Variants in CDH19 observed in about 807,000 individuals in gnomAD.
The protein encoded by CDH19 is cadherin-19.
CDH19 carries 67 observed loss-of-function variants against 64.2 expected under a neutral mutation model. The ratio of observed to expected loss-of-function variants is 1.04; its 90% CI spans 0.86 to 1.28. CDH19 has a LOEUF of 1.28. Among genes scored for constraint, CDH19 ranks in the 50% most tolerant of loss-of-function variants. The probability of loss-of-function intolerance (pLI) is 0.00; values close to 1 mark genes in which losing one functional copy is unlikely to be tolerated. For missense variants in CDH19, 1,030 were observed against 929.0 expected (o/e 1.11, Z -1.41); for synonymous variants, 346 against 319.3 (o/e 1.08, Z -0.89).
intron 7 of CDH19, among the ~76,000 whole-genome samples, chr18:66,542,206 C>T (rs1986914084): frequency 6.6e-6 from 1 of 152,084 alleles, no homozygotes; most frequent in Non-Finnish European, 1.5e-5. Context: ...ACTAAAATGT[C>T]TATGACTAAT....
chr18:66,595,846 T>C (rs947509764), intron 1 of CDH19, among the ~76,000 whole-genome samples: 5 of 152,108 alleles, frequency 3.3e-5, no homozygotes, highest in Non-Finnish European at 7.4e-5. Context: ...TACCAAAATC[T>C]GTCAGAGACT....
At chr18:66,574,992 G>C (rs1599028556) in intron 1 of CDH19, among the ~76,000 whole-genome samples, 1 of 151,890 alleles carries the variant, frequency 6.6e-6, no homozygotes, top group Non-Finnish European at 1.5e-5. Flanking sequence ...GAGCTGTCAG[G>C]TATTGGAACA....
Position 66,505,049 on chromosome 18 carries a change from T to C in CDH19, c.2082A>G (p.Ile694Met). The C allele has an allele frequency of 6.2e-7, 1 of 1,613,704 alleles. No individual in the cohort carries two copies. The highest frequency in any genetic ancestry group is 1.1e-5 in the South Asian group (1 of 91,078). The change falls in exon 12 of 12, where the codon ATA (isoleucine) becomes ATG (methionine). Residue 694 changes from isoleucine (I) to methionine (M), a missense_variant. Ile to Met is a conservative substitution (Grantham distance 10, BLOSUM62 1). Transcript: ENST00000262150. ...GCTTTTCCAGAATGAATTTCCTGAATATGGCACTGTCGGGGCCAACTTGCA... is the reference window on the plus strand; with the variant it reads ...GCTTTTCCAGAATGAATTTCCTGAACATGGCACTGTCGGGGCCAACTTGCA... ...QSLQVGPDSA[I>M]FRKFILEKLE...
chr18:66,541,379 A>G (rs1986880225), intron 7 of CDH19, among the ~76,000 whole-genome samples: 1 of 152,154 alleles, frequency 6.6e-6, no homozygotes, highest in Admixed American at 6.6e-5. Flanking sequence ...CTTACCATGC[A>G]GTGAGTATTA....
In CDH19 at chr18:66,535,126, A is replaced by G. The variant is rs751197484; in HGVS notation, c.1215-19T>C. The G allele has an allele frequency of 2.9e-6, 4 of 1,391,954 alleles. No individual in the cohort carries two copies. In the South Asian group the frequency reaches 4.8e-5, roughly 17 times the overall value. The allele number at this position is 1,391,954 out of a possible 1,614,324, so 86.2% of individuals were successfully genotyped here. On this transcript the variant is annotated intron_variant, in intron 7 of 11. Transcript: ENST00000262150. The stretch of plus-strand genomic sequence containing the variant: ...AGAATACCTGAACCAAAAGGAAAGT[A>G]TACCTTAATATTTTTATTCTATCTG...
chr18:66,576,569 AC>A (rs1988272235), intron 1 of CDH19, among the ~76,000 whole-genome samples: 1 of 151,636 alleles, frequency 6.6e-6, no homozygotes, highest in Non-Finnish European at 1.5e-5. Context: ...CAATTCATTA[AC>A]AGGGCACAAC....
At chr18:66,561,743 G>GA (rs951696859) in intron 3 of CDH19, among the ~76,000 whole-genome samples, 5 of 151,086 alleles carry the variant, frequency 3.3e-5, no homozygotes, top group South Asian at 2.1e-4. Flanking sequence ...AGTGTGCTTA[G>GA]AAAAAAAAAT....
intron 5 of CDH19, among the ~76,000 whole-genome samples, chr18:66,548,104 TATATTATATAAA>T (rs1467485727): frequency 6.8e-6 from 1 of 147,000 alleles, no homozygotes; most frequent in Non-Finnish European, 1.5e-5. Context: ...ATATTTGTTA[TATATTATATAAA>T]ATATTATATA....
At chr18:66,556,608 G>A (rs974044772) in intron 3 of CDH19, among the ~76,000 whole-genome samples, 1 of 151,758 alleles carries the variant, frequency 6.6e-6, no homozygotes, top group Non-Finnish European at 1.5e-5. Flanking sequence ...TTTCTTCTTT[G>A]ATGAGACTTA....
chr18:66,557,716 A>AT (rs1202906420), intron 3 of CDH19, among the ~76,000 whole-genome samples: 3 of 151,856 alleles, frequency 2.0e-5, no homozygotes, highest in South Asian at 2.1e-4. Context: ...CACTCCTTAC[A>AT]TTTTTTGTGT....
At chr18:66,538,793 T>C (rs186104244) in intron 7 of CDH19, among the ~76,000 whole-genome samples, 1 of 152,190 alleles carries the variant, frequency 6.6e-6, no homozygotes, top group East Asian at 1.9e-4. Context: ...TTTCCGGCAG[T>C]CCTTGCTAGT....
chr18:66,537,377 A>AT (rs1986714282), intron 7 of CDH19, among the ~76,000 whole-genome samples: 1 of 151,878 alleles, frequency 6.6e-6, no homozygotes, highest in African/African-American at 2.4e-5. Context: ...AAGGTTACAT[A>AT]TTTTTGGCAG....
intron 10 of CDH19, among the ~76,000 whole-genome samples, chr18:66,509,811 A>G (rs1001206682): frequency 9.9e-5 from 15 of 151,984 alleles, no homozygotes; most frequent in African/African-American, 2.9e-4. Flanking sequence ...CTCAAATACT[A>G]TATTTTCTAA....
chr18:66,530,270 T>C (rs1464544801), intron 8 of CDH19, among the ~76,000 whole-genome samples: 1 of 152,058 alleles, frequency 6.6e-6, no homozygotes, highest in Non-Finnish European at 1.5e-5. Context: ...ACGGAGAGCT[T>C]GCAAGAGTCC....
intron 9 of CDH19, among the ~76,000 whole-genome samples, chr18:66,520,341 GTTTT>G (rs368834150): frequency 1.5e-5 from 2 of 132,968 alleles, no homozygotes; most frequent in South Asian, 2.3e-4. Flanking sequence ...GAAAATAGCT[GTTTT>G]TTTTTTTTTT....
intron 7 of CDH19, among the ~76,000 whole-genome samples, chr18:66,535,420 T>G (rs944826314): frequency 2.0e-5 from 3 of 151,442 alleles, no homozygotes; most frequent in African/African-American, 7.2e-5. Context: ...ATCTCTTTCC[T>G]ATGTCACAGG....
rs770336548 is a variant in CDH19, at chr18:66,544,194, CG to C, written c.990del (p.Tyr330Ter). The C allele has an allele frequency of 2.5e-6, 4 of 1,613,362 alleles. No individual in the cohort carries two copies. In the African/African-American group the frequency reaches 4.0e-5, roughly 16 times the overall value. On this transcript the variant is annotated frameshift_variant, in exon 7 of 12. Transcript: ENST00000262150. LOFTEE classifies it high-confidence loss of function. ...KKVDFEHQNH[Y>X]GIRAKVKNHH... Reference sequence around the variant, plus strand: ...TGGTTTTTAACTTTTGCTCTAATACCGTAGTGGTTCTGGTGCTCAAAATCCA... The same window carrying C: ...TGGTTTTTAACTTTTGCTCTAATACCTAGTGGTTCTGGTGCTCAAAATCCA...
At chr18:66,553,276 C>T (rs1192072897) in intron 4 of CDH19, among the ~76,000 whole-genome samples, 1 of 134,006 alleles carries the variant, frequency 7.5e-6, no homozygotes, top group East Asian at 1.9e-4. Flanking sequence ...AGTTGTATAA[C>T]ATTTGGTACA....
At chr18:66,505,399 A>C in intron 11 of CDH19, 97 bp from the exon 12 acceptor site, 1 of 925,842 alleles carries the variant, frequency 1.1e-6, no homozygotes, top group Non-Finnish European at 1.5e-6. Context: ...TGAGTGCTTA[A>C]ACTTTATGAT....
Sources: gnomAD v4.1 joint callset for allele counts (sites outside exome capture counted in the v4.1 genomes callset) on GRCh38, gnomAD v4.1.1 for gene constraint, MANE v1.5 for transcripts, NCBI Gene and HGNC (gene_info 2026-07-23, HGNC 2026-07-21) for gene names.